The following CSNK1A1 variants were observed in gnomAD, a reference collection of about 807,000 sequenced individuals.
CSNK1A1 encodes the protein casein kinase 1 alpha 1.
Under a neutral mutation model 46.1 loss-of-function variants are expected in CSNK1A1, and 7 were observed. The observed-to-expected ratio is 0.15, with a 90% CI of 0.09 to 0.29. CSNK1A1 has a LOEUF of 0.29. Ranked by LOEUF, CSNK1A1 falls within the 10% of genes least tolerant of loss-of-function variation. CSNK1A1 has a pLI of 1.00. For missense variants in CSNK1A1, 96 were observed against 417.1 expected, an observed-to-expected ratio of 0.23 and a Z score of 6.71; for synonymous variants, 137 against 141.5, an observed-to-expected ratio of 0.97 and a Z score of 0.23.
intron 2 of CSNK1A1, among the ~76,000 whole-genome samples, chr5:149,541,843 T>C: frequency 6.6e-6 from 1 of 151,798 alleles, no homozygotes; most frequent in East Asian, 1.9e-4. Context: ...TGGTGGTATA[T>C]GCCTGTAGTC....
intron 4 of CSNK1A1, among the ~76,000 whole-genome samples, chr5:149,519,105 CAAGAT>C (rs1181217131): frequency 6.6e-6 from 1 of 151,874 alleles, no homozygotes; most frequent in African/African-American, 2.4e-5. Flanking sequence ...TTGGGAATGA[CAAGAT>C]AAGTTATGTG....
chr5:149,502,131 ATTAAG>A (rs1032997229), intron 9 of CSNK1A1: 53 of 973,066 alleles, frequency 5.4e-5, no homozygotes, highest in Middle Eastern at 5.3e-4. Flanking sequence ...AAACATTCTT[ATTAAG>A]TTATTAAAAC....
At chr5:149,498,481 A>G in intron 9 of CSNK1A1, 1 of 985,374 alleles carries the variant, frequency 1.0e-6, no homozygotes, top group Non-Finnish European at 1.2e-6. Context: ...CCAAATTTCA[A>G]TTTTAAAATA....
At chr5:149,535,804 G>C (rs1762043717) in intron 2 of CSNK1A1, among the ~76,000 whole-genome samples, 1 of 150,768 alleles carries the variant, frequency 6.6e-6, no homozygotes, top group South Asian at 2.1e-4. Context: ...GCCACACTCA[G>C]CTAATTTTTC....
intron 9 of CSNK1A1, chr5:149,501,544 AAAT>A: frequency 1.0e-6 from 1 of 985,058 alleles, no homozygotes; most frequent in Non-Finnish European, 1.2e-6. Context: ...TATGATAGAA[AAAT>A]AATATTTGTA....
chr5:149,503,958 T>G, intron 9 of CSNK1A1: 1 of 985,436 alleles, frequency 1.0e-6, no homozygotes, highest in Admixed American at 6.1e-5. Context: ...TACTATAGGT[T>G]GTCAGGTGTA....
intron 4 of CSNK1A1, among the ~76,000 whole-genome samples, chr5:149,519,202 T>TCA (rs1457359167): frequency 1.3e-5 from 2 of 152,122 alleles, no homozygotes; most frequent in Non-Finnish European, 2.9e-5. Context: ...CATCAGTATC[T>TCA]CACATTGACA....
Position 149,513,172 on chromosome 5 carries a change from C to T in CSNK1A1, c.494G>A (p.Arg165Lys). The T allele has an allele frequency of 6.2e-7, 1 of 1,613,964 alleles. No individual in the cohort carries two copies. Among genetic ancestry groups the T allele is most frequent in the Non-Finnish European group, 8.5e-7 (1 of 1,179,956 alleles). Reference protein sequence around the residue: ...LIDFGLAKKYRDNRTRQHIPY... With the variant: ...LIDFGLAKKYKDNRTRQHIPY... ...TATGTGTTGCCTTGTCCTGTTGTCT[C>T]TGTACTTTTTGGCCAAACCAAAATC... The change falls in exon 5 of 10, where the codon AGA becomes AAA. Residue 165 changes from arginine (R) to lysine (K), a missense_variant. Physicochemically the swap from Arg to Lys is conservative, Grantham distance 26 (BLOSUM62 2). Coordinates refer to ENST00000377843, the MANE Select transcript of CSNK1A1 (RefSeq NM_001892.6).
In CSNK1A1 at chr5:149,492,990, C is replaced by T. The variant is rs1280911309; in HGVS notation, c.*3863G>A. 2.0e-5 allele frequency: 3 copies of T among 152,204 alleles called. No individual in the cohort carries two copies. Among genetic ancestry groups the T allele is most frequent in the Admixed American group, 6.5e-5 (1 of 15,276 alleles). The allele number at this position is 152,204 out of a possible 1,614,324, so 9.4% of individuals were successfully genotyped here. On this transcript the variant is annotated 3_prime_UTR_variant, in exon 10 of 10. Transcript: ENST00000377843. Reference sequence around the variant, plus strand: ...TCTTATTCAGTGAGTTGTAACGTTGCTACCAGTTTATTTTGATAATTGACA... The same window carrying T: ...TCTTATTCAGTGAGTTGTAACGTTGTTACCAGTTTATTTTGATAATTGACA...
At chr5:149,540,107 CCTA>C (rs1762182081) in intron 2 of CSNK1A1, among the ~76,000 whole-genome samples, 1 of 152,110 alleles carries the variant, frequency 6.6e-6, no homozygotes, top group South Asian at 2.1e-4. Flanking sequence ...CATCTTTTGT[CCTA>C]CTGATTCCAT....
intron 5 of CSNK1A1, among the ~76,000 whole-genome samples, chr5:149,512,782 T>C (rs1002660825): frequency 6.6e-6 from 1 of 152,198 alleles, no homozygotes; most frequent in East Asian, 1.9e-4. Context: ...ATATGTACTA[T>C]CTTCAGCTGC....
At chr5:149,548,294 C>G (rs191470211) in intron 2 of CSNK1A1, among the ~76,000 whole-genome samples, 2 of 151,968 alleles carry the variant, frequency 1.3e-5, no homozygotes, top group African/African-American at 4.8e-5. Context: ...AGGCTGGGCC[C>G]GGTGGCTCAC....
intron 2 of CSNK1A1, among the ~76,000 whole-genome samples, chr5:149,534,685 C>G (rs1762007996): frequency 6.6e-6 from 1 of 151,920 alleles, no homozygotes; most frequent in Non-Finnish European, 1.5e-5. Flanking sequence ...AATCCCAACA[C>G]TTTGGGAGGT....
At chr5:149,503,229 G>A in intron 9 of CSNK1A1, 1 of 985,458 alleles carries the variant, frequency 1.0e-6, no homozygotes, top group Non-Finnish European at 1.2e-6. Flanking sequence ...TGGGCTGGGG[G>A]TAGAAGTTAG....
At chr5:149,505,157 T>C (rs1760982795) in intron 9 of CSNK1A1, 1 of 1,062,328 alleles carries the variant, frequency 9.4e-7, no homozygotes, top group South Asian at 4.2e-5. Context: ...GGTTAATGAA[T>C]GAGTAAAAAA....
At chr5:149,520,518 G>T in intron 3 of CSNK1A1, 130 bp from the exon 4 acceptor site, 1 of 572,436 alleles carries the variant, frequency 1.7e-6, no homozygotes, top group African/African-American at 1.9e-5. Context: ...AAATGGAAAG[G>T]ACAACTAAGT....
intron 4 of CSNK1A1, among the ~76,000 whole-genome samples, chr5:149,516,504 T>C (rs1353830056): frequency 1.3e-5 from 2 of 152,008 alleles, no homozygotes; most frequent in African/African-American, 4.8e-5. Flanking sequence ...GGGTCATAAT[T>C]TCCCTTGCCC....
At chr5:149,508,577 CCTTT>C (rs373061442) in intron 7 of CSNK1A1, among the ~76,000 whole-genome samples, 6 of 152,296 alleles carry the variant, frequency 3.9e-5, no homozygotes, top group African/African-American at 7.2e-5. Flanking sequence ...AACTCAATTG[CCTTT>C]CTATGAAGTT....
intron 5 of CSNK1A1, among the ~76,000 whole-genome samples, chr5:149,512,729 G>A (rs1461643921): frequency 6.6e-6 from 1 of 152,126 alleles, no homozygotes; most frequent in Non-Finnish European, 1.5e-5. Context: ...CAAACTCAGC[G>A]TGAATTACTA....
Sources: gnomAD v4.1 joint callset for allele counts (sites outside exome capture counted in the v4.1 genomes callset) on GRCh38, gnomAD v4.1.1 for gene constraint, MANE v1.5 for transcripts, NCBI Gene and HGNC (gene_info 2026-07-23, HGNC 2026-07-21) for gene names.